The following MGAT4D variants were observed in gnomAD, a reference collection of about 807,000 sequenced individuals.
The protein encoded by MGAT4D is alpha-1,3-mannosyl-glycoprotein 4-beta-N-acetylglucosaminyltransferase-like protein MGAT4D.
Under a neutral mutation model 15.9 loss-of-function variants are expected in MGAT4D, and 34 were observed. The ratio of observed to expected loss-of-function variants is 2.14; its 90% CI spans 1.62 to 2.84. The LOEUF (loss-of-function observed/expected upper bound fraction) is 2.84, where lower values mean the gene tolerates loss of function less well. MGAT4D is among the 30% of genes most tolerant of loss of function. MGAT4D has a pLI of 0.00. For synonymous variants in MGAT4D, 112 were observed against 48.2 expected (o/e 2.33, Z -5.49); for missense variants, 327 against 140.2 (o/e 2.33, Z -6.73).
chr4:140,463,989 T>G (rs1176795113), intron 6 of MGAT4D, among the ~76,000 whole-genome samples: 1 of 151,926 alleles, frequency 6.6e-6, no homozygotes, highest in Non-Finnish European at 1.5e-5. Flanking sequence ...GGAAGGAGGA[T>G]GAGAGGGACA....
At chr4:140,471,618 T>C (rs970217280) in intron 5 of MGAT4D, among the ~76,000 whole-genome samples, 157 bp downstream of exon 5, 3 of 152,196 alleles carry the variant, frequency 2.0e-5, no homozygotes, top group Admixed American at 2.0e-4. Context: ...TAAGCCATAC[T>C]TCATCACAGC....
At chr4:140,489,182 C>T (rs537375254) in intron 1 of MGAT4D, among the ~76,000 whole-genome samples, 1 of 152,188 alleles carries the variant, frequency 6.6e-6, no homozygotes, top group South Asian at 2.1e-4. Flanking sequence ...TATTAGTATA[C>T]TTGTACCCAA....
At chr4:140,458,060 A>G (rs1370524605) in intron 8 of MGAT4D, 1 of 152,204 alleles carries the variant, frequency 6.6e-6, no homozygotes, top group Non-Finnish European at 1.5e-5. Context: ...ATGGGGAAGC[A>G]CGAACTTTTA....
intron 1 of MGAT4D, among the ~76,000 whole-genome samples, chr4:140,496,892 T>C (rs1733875526): frequency 6.6e-6 from 1 of 152,194 alleles, no homozygotes; most frequent in Non-Finnish European, 1.5e-5. Flanking sequence ...AAAGAAATCA[T>C]TTATTTTTTG....
chr4:140,485,030 AC>A (rs1419059546), intron 1 of MGAT4D, among the ~76,000 whole-genome samples: 4 of 152,198 alleles, frequency 2.6e-5, no homozygotes, highest in Non-Finnish European at 5.9e-5. Context: ...ATACCATTTG[AC>A]CCAGCCATCC....
At chr4:140,455,591 T>C (rs998261961) in intron 9 of MGAT4D, among the ~76,000 whole-genome samples, 7 of 152,154 alleles carry the variant, frequency 4.6e-5, no homozygotes, top group African/African-American at 1.2e-4. Flanking sequence ...CAGATGGTGT[T>C]GTTCAGTTCT....
intron 5 of MGAT4D, among the ~76,000 whole-genome samples, chr4:140,470,237 C>G (rs1252788974): frequency 1.3e-5 from 2 of 152,220 alleles, no homozygotes; most frequent in Non-Finnish European, 2.9e-5. Flanking sequence ...CAGGAGTTTT[C>G]CTGTGCGGAC....
chr4:140,472,514 C>G (rs1732034511), intron 4 of MGAT4D, among the ~76,000 whole-genome samples: 1 of 149,012 alleles, frequency 6.7e-6, no homozygotes, highest in Non-Finnish European at 1.5e-5. Flanking sequence ...TCTGAGTACT[C>G]TGAAAGGCAA....
At chr4:140,450,095 G>T (rs1481659941) in intron 10 of MGAT4D, 2 of 357,232 alleles carry the variant, frequency 5.6e-6, no homozygotes, top group South Asian at 6.2e-5. Context: ...TAAAGCTTTA[G>T]AAACATGAAA....
chr4:140,469,848 G>A (rs1578676705), intron 5 of MGAT4D, among the ~76,000 whole-genome samples: 1 of 152,366 alleles, frequency 6.6e-6, no homozygotes, highest in Middle Eastern at 3.4e-3. Flanking sequence ...AGCTGCTGGA[G>A]GTGAGGGTGG....
At chr4:140,445,799 T>C (rs1164071919) in intron 10 of MGAT4D, among the ~76,000 whole-genome samples, 2 of 152,306 alleles carry the variant, frequency 1.3e-5, no homozygotes, top group Non-Finnish European at 1.5e-5. Flanking sequence ...TTTTCCCCCA[T>C]TGCTTGTTTT....
chr4:140,455,909 G>A (rs898791914), intron 9 of MGAT4D, among the ~76,000 whole-genome samples: 3 of 152,124 alleles, frequency 2.0e-5, no homozygotes. Flanking sequence ...GGGCAACGTG[G>A]GCTGATGGCT....
intron 7 of MGAT4D, 71 bp downstream of exon 7, chr4:140,461,858 A>G (rs1250799041): frequency 2.0e-6 from 1 of 492,042 alleles, no homozygotes; most frequent in East Asian, 3.1e-5. Context: ...AATTATATCT[A>G]TCTACAGATA....
chr4:140,493,573 G>A (rs1213544005), intron 1 of MGAT4D, among the ~76,000 whole-genome samples: 1 of 152,024 alleles, frequency 6.6e-6, no homozygotes. Flanking sequence ...GAGATTACAG[G>A]CATGAGCCAC....
At chr4:140,467,924 C>T (rs1442486771) in intron 5 of MGAT4D, among the ~76,000 whole-genome samples, 1 of 151,918 alleles carries the variant, frequency 6.6e-6, no homozygotes, top group African/African-American at 2.4e-5. Context: ...AAAACAATCT[C>T]TCATTACCCT....
intron 10 of MGAT4D, among the ~76,000 whole-genome samples, chr4:140,447,992 G>C (rs967915550): frequency 2.6e-5 from 4 of 152,112 alleles, no homozygotes; most frequent in Non-Finnish European, 5.9e-5. Flanking sequence ...TGAAATTCTT[G>C]GTTGAAGATA....
At chr4:140,452,456 G>A (rs1364593249) in intron 9 of MGAT4D, among the ~76,000 whole-genome samples, 4 of 152,124 alleles carry the variant, frequency 2.6e-5, no homozygotes. Flanking sequence ...AAAATTGGTT[G>A]AGGAGTTACA....
rs777942973 is a variant in MGAT4D at position 140,442,743 on chromosome 4, A to C, written c.*693T>G. The C allele has an allele frequency of 6.6e-6, 1 of 152,168 alleles. No homozygotes were observed. Among genetic ancestry groups the C allele is most frequent in the Non-Finnish European group, 1.5e-5 (1 of 68,004 alleles). The allele number at this position is 152,168 out of a possible 1,614,324, so 9.4% of individuals were successfully genotyped here. ...AACAATTCTCAAAATTTTATCACAC[A>C]GGTAAAGTTCTATAACCACTATGCA... On this transcript the variant is annotated 3_prime_UTR_variant, in exon 11 of 11. Coordinates refer to ENST00000511113, the MANE Select transcript of MGAT4D (RefSeq NM_001277353.2).
intron 1 of MGAT4D, among the ~76,000 whole-genome samples, chr4:140,494,883 A>G (rs559953454): frequency 1.6e-4 from 25 of 152,260 alleles, no homozygotes; most frequent in African/African-American, 5.3e-4. Context: ...CCCAACCCAA[A>G]ATGTCAACAG....
Sources: allele counts gnomAD v4.1 joint callset (sites outside exome capture counted in the v4.1 genomes callset), GRCh38; gene constraint gnomAD v4.1.1; transcripts MANE v1.5; gene names NCBI Gene and HGNC (gene_info 2026-07-23, HGNC 2026-07-21).